Variants in RBM18 observed in about 807,000 individuals in gnomAD.
The protein encoded by RBM18 is RNA binding motif protein 18.
RBM18 carries 18 observed loss-of-function variants against 26.4 expected under a neutral mutation model. The ratio of observed to expected loss-of-function variants is 0.68; its 90% confidence interval spans 0.47 to 1.01. RBM18 has a LOEUF of 1.01. Among genes scored for constraint, RBM18 ranks in the 50% least tolerant of loss-of-function variants. RBM18 has a pLI of 0.00. For synonymous variants in RBM18, 74 were observed against 81.1 expected (o/e 0.91, Z 0.47); for missense variants, 180 against 219.2 (o/e 0.82, Z 1.13).
rs550144772 is a variant in RBM18 at position 122,243,894 on chromosome 9, C to G, written c.413+1362G>C. ...CTGGATAAAAAAATAGATGGAAAAC[C>G]CTAGGCTATCTTGTAAACAAGTGGC... On this transcript the variant is annotated intron_variant, in intron 5 of 5. Transcript: ENST00000417201. The G allele has an allele frequency of 4.5e-3, 4,422 of 983,436 alleles. 13 individuals carry two copies. Among genetic ancestry groups the G allele is most frequent in the Non-Finnish European group, 5.0e-3 (4,135 of 828,206 alleles). The allele number at this position is 983,436 out of a possible 1,614,324, so 60.9% of individuals were successfully genotyped here.
intron 1 of RBM18, 42 bp from the exon 2 acceptor site, chr9:122,261,550 T>A: frequency 8.1e-7 from 1 of 1,228,140 alleles, no homozygotes; most frequent in Non-Finnish European, 1.2e-6. Flanking sequence ...GGAGTAACAA[T>A]GTGTGAACAC....
intron 2 of RBM18, among the ~76,000 whole-genome samples, chr9:122,258,308 G>A (rs1320573574): frequency 2.6e-5 from 4 of 151,800 alleles, no homozygotes; most frequent in African/African-American, 7.3e-5. Context: ...TTGCTCTGTC[G>A]CCAAGGCTGG....
chr9:122,262,829 T>C (rs62575583), intron 1 of RBM18, among the ~76,000 whole-genome samples: 2 of 152,124 alleles, frequency 1.3e-5, no homozygotes, highest in African/African-American at 2.4e-5. Flanking sequence ...AAGTGATCCA[T>C]CCACGTCGGC....
intron 1 of RBM18, among the ~76,000 whole-genome samples, chr9:122,262,883 C>G (rs1645599843): frequency 6.6e-6 from 1 of 152,212 alleles, no homozygotes; most frequent in African/African-American, 2.4e-5. Context: ...CCATGCCCAG[C>G]ACAAACTGTG....
At chr9:122,247,683 G>C in intron 3 of RBM18, 79 bp from the exon 4 acceptor site, 1 of 1,035,068 alleles carries the variant, frequency 9.7e-7, no homozygotes, top group East Asian at 2.5e-5. Flanking sequence ...GGCTTCACTA[G>C]CTTTGATGGC....
intron 2 of RBM18, among the ~76,000 whole-genome samples, chr9:122,257,166 C>T (rs1008934435): frequency 1.3e-5 from 2 of 152,156 alleles, no homozygotes; most frequent in African/African-American, 4.8e-5. Flanking sequence ...AGCTCCGCCT[C>T]CCAGGTTCAT....
In RBM18 at chr9:122,241,171, T is replaced by C. The variant is rs542425612; in HGVS notation, c.*713A>G. 6 of 152,352 alleles carry C rather than the reference T, an allele frequency of 3.9e-5. No individual in the cohort carries two copies. The East Asian group carries it at 1.2e-3, about 29-fold the overall frequency. 9.4% of individuals were successfully genotyped at this position (152,352 alleles called of 1,614,324 possible). ...TTAGATTTGAAAAAAATGGTTGCTA[T>C]AGAATAAAAGTTCAATTTCCAAATA... On this transcript the variant is annotated 3_prime_UTR_variant, in exon 6 of 6. Transcript: ENST00000417201.
chr9:122,247,975 A>G (rs1388120414), intron 3 of RBM18, among the ~76,000 whole-genome samples: 1 of 151,700 alleles, frequency 6.6e-6, no homozygotes, highest in Non-Finnish European at 1.5e-5. Context: ...TTTAGTAGAG[A>G]CGGGGTTTCA....
At chr9:122,251,529 G>A (rs371907719) in intron 3 of RBM18, among the ~76,000 whole-genome samples, 2 of 152,302 alleles carry the variant, frequency 1.3e-5, no homozygotes, top group East Asian at 1.9e-4. Context: ...TTTGTCAGTT[G>A]GCCAGCCAGT....
Position 122,238,481 on chromosome 9 carries a change from A to C in RBM18, c.*3403T>G, listed in dbSNP as rs1161035936. The C allele has an allele frequency of 6.6e-6, 1 of 152,230 alleles. No individual in the cohort carries two copies. The highest frequency in any genetic ancestry group is 2.4e-5 in the African/African-American group (1 of 41,458). The allele number at this position is 152,230 out of a possible 1,614,324, so 9.4% of individuals were successfully genotyped here. A position where few individuals can be genotyped will look rare whatever the true frequency, so the allele number is the denominator to read the frequency against. ...TGAGCAGAGACATGAGTCAGGTGAG[A>C]GAGCGGGCTCTGCGGCTATCTGGAG... On this transcript the variant is annotated 3_prime_UTR_variant, in exon 6 of 6. Transcript: ENST00000417201.
intron 4 of RBM18, among the ~76,000 whole-genome samples, chr9:122,246,454 C>T (rs1438745649): frequency 6.6e-6 from 1 of 152,182 alleles, no homozygotes. Context: ...ATTTCTCTTG[C>T]GTGCCTTTTC....
In RBM18 at chr9:122,241,332, T is replaced by C. The variant is rs1441423976; in HGVS notation, c.*552A>G. The C allele has an allele frequency of 6.6e-6, 1 of 152,420 alleles. No homozygotes were observed. Among genetic ancestry groups the C allele is most frequent in the East Asian group, 1.9e-4 (1 of 5,206 alleles). 9.4% of individuals were successfully genotyped at this position (152,420 alleles called of 1,614,324 possible). On this transcript the variant is annotated 3_prime_UTR_variant, in exon 6 of 6. Transcript: ENST00000417201. ...AATTCTTAAACAGATTACTACAACA[T>C]TTGTTCAAAGAATCAGCTCCTTTTT...
intron 2 of RBM18, among the ~76,000 whole-genome samples, chr9:122,259,024 C>T (rs1831744666): frequency 6.6e-6 from 1 of 152,030 alleles, no homozygotes; most frequent in African/African-American, 2.4e-5. Context: ...CCCAGCACTT[C>T]CAGCCAGCAT....
At position 122,261,398 on chromosome 9, in the gene RBM18, A is replaced by G. The variant is rs1204077231; in HGVS notation, c.95T>C (p.Leu32Pro). The change falls in exon 2 of 6, where the codon CTG becomes CCG. Residue 32 changes from leucine (L) to proline (P), a missense_variant. Coordinates refer to ENST00000417201, the MANE Select transcript of RBM18 (RefSeq NM_033117.4). Reference protein sequence around the residue: ...QEGHRLWIGNLDPKITEYHLL... With the variant: ...QEGHRLWIGNPDPKITEYHLL... Reference sequence around the variant, plus strand: ...GACTTACTCGGTAATTTTGGGGTCCAGGTTGCCAATCCATAATCGGTGTCC... The same window carrying G: ...GACTTACTCGGTAATTTTGGGGTCCGGGTTGCCAATCCATAATCGGTGTCC... 4 of 1,613,370 alleles carry G rather than the reference A, an allele frequency of 2.5e-6. No homozygotes were observed. Among genetic ancestry groups the G allele is most frequent in the Non-Finnish European group, 2.5e-6 (3 of 1,179,248 alleles).
At position 122,245,340 on chromosome 9, in the gene RBM18, C is replaced by T. The variant is rs149650476; in HGVS notation, c.329G>A (p.Arg110Lys). The stretch of plus-strand genomic sequence containing the variant: ...CTTATCATTCTTGTTATGATCATAT[C>T]TCTGAAAATGAGAAATAGAGAAATT... The part of the protein sequence containing the change: ...VVRWAHAQVK[R>K]YDHNKNDKIL... The change falls in exon 5 of 6, where the codon AGA (arginine) becomes AAA (lysine). Residue 110 changes from arginine (R) to lysine (K), a missense_variant and splice_region_variant. By Grantham distance (26) the Arg-to-Lys change is conservative (BLOSUM62 2). This residue lies in a region of RBM18 where 103 missense variants were observed against 102.8 expected (regional missense o/e 1.00). Transcript: ENST00000417201. 1 of 1,598,712 alleles carries T rather than the reference C, an allele frequency of 6.3e-7. No homozygotes were observed. Among genetic ancestry groups the T allele is most frequent in the Non-Finnish European group, 8.6e-7 (1 of 1,166,480 alleles).
chr9:122,244,598 G>A (rs532705800), intron 5 of RBM18, among the ~76,000 whole-genome samples: 1 of 152,180 alleles, frequency 6.6e-6, no homozygotes, highest in Admixed American at 6.5e-5. Context: ...CACAGTGCCT[G>A]CTTCAGCGTA....
intron 5 of RBM18, 107 bp downstream of exon 5, chr9:122,245,149 T>C: frequency 2.8e-6 from 2 of 704,086 alleles, no homozygotes. Context: ...GTCAAGTTAA[T>C]AAATTCTAAG....
intron 4 of RBM18, 49 bp downstream of exon 4, chr9:122,247,469 A>C: frequency 1.3e-6 from 2 of 1,501,220 alleles, no homozygotes; most frequent in South Asian, 2.3e-5. Flanking sequence ...ATCTTTCAGA[A>C]GGCTTGTTTA....
In RBM18 at chr9:122,247,382, T is replaced by A. The variant is rs899518275; in HGVS notation, c.327+136A>T. On this transcript the variant is annotated intron_variant, in intron 4 of 5. Coordinates refer to ENST00000417201, the MANE Select transcript of RBM18 (RefSeq NM_033117.4). ...AAGAAAAATCGGGCAACACACATGG[T>A]AGATACAAGTAGGAGACTGAAGTAT... 3 of 708,648 alleles carry A rather than the reference T, an allele frequency of 4.2e-6. No individual in the cohort carries two copies. The Admixed American group carries it at 6.4e-5, about 15-fold the overall frequency. 43.9% of individuals were successfully genotyped at this position (708,648 alleles called of 1,614,324 possible).
Sources: gnomAD v4.1 joint callset for allele counts (sites outside exome capture counted in the v4.1 genomes callset) on GRCh38, gnomAD v4.1.1 for gene constraint, gnomAD v4.1.1 regional missense constraint, MANE v1.5 for transcripts, NCBI Gene and HGNC (gene_info 2026-07-23, HGNC 2026-07-21) for gene names.